Variants in C16orf96 observed in about 807,000 individuals in gnomAD.
C16orf96 encodes uncharacterized protein C16orf96.
C16orf96 carries 108 observed loss-of-function variants against 103.6 expected under a neutral mutation model. The ratio of observed to expected loss-of-function variants is 1.04; its 90% CI spans 0.89 to 1.22. C16orf96 has a LOEUF of 1.22. Ranked by LOEUF, C16orf96 falls within the 50% of genes most tolerant of loss-of-function variation. The probability of loss-of-function intolerance (pLI) is 0.00; values close to 1 mark genes in which losing one functional copy is unlikely to be tolerated. For missense variants in C16orf96, 1,586 were observed against 1,464.2 expected, an observed-to-expected ratio of 1.08 and a Z score of -1.36; for synonymous variants, 566 against 593.5, an observed-to-expected ratio of 0.95 and a Z score of 0.67.
chr16:4,562,455 CTG>C (rs1412538019), intron 1 of C16orf96, among the ~76,000 whole-genome samples: 9 of 58,774 alleles, frequency 1.5e-4, no homozygotes, highest in South Asian at 9.3e-4. Flanking sequence ...TGGAGCAAGA[CTG>C]TGTCAAAAAA....
intron 7 of C16orf96, 128 bp from the exon 8 acceptor site, chr16:4,586,911 C>A (rs888734683): frequency 1.3e-6 from 1 of 776,282 alleles, no homozygotes; most frequent in Non-Finnish European, 2.1e-6. Flanking sequence ...AACGCCCATG[C>A]CCACCTGCCT....
At position 4,556,733 on chromosome 16, in the gene C16orf96, G is replaced by A. The variant is rs1390938759; in HGVS notation, c.244G>A (p.Asp82Asn). 18 of 1,551,492 alleles carry A rather than the reference G, an allele frequency of 1.2e-5. No individual in the cohort carries two copies. The highest frequency in any genetic ancestry group is 1.7e-4 in the Middle Eastern group (1 of 6,014). ...NPMKRLSNVF[D>N]HVVSRLDKLE... ...CATGAAGAGGCTCAGCAATGTCTTC[G>A]ACCACGTGGTGAGCCGCCTCGACAA... Residue 82 changes from aspartate (D) to asparagine (N), a missense_variant, in exon 1 of 16, where the codon GAC becomes AAC. Transcript: ENST00000444310.
chr16:4,551,898 T>A (rs1410915334), upstream of C16orf96, among the ~76,000 whole-genome samples: 2 of 152,072 alleles, frequency 1.3e-5, no homozygotes, highest in East Asian at 3.9e-4. Flanking sequence ...GTCCTGATGC[T>A]CTCCCTCCCC....
chr16:4,562,821 C>T, intron 1 of C16orf96: 2 of 1,315,400 alleles, frequency 1.5e-6, no homozygotes, highest in East Asian at 2.3e-5. Flanking sequence ...TTACAGGTTT[C>T]TTACTGTATC....
intron 1 of C16orf96, among the ~76,000 whole-genome samples, chr16:4,568,629 A>ATTTTTT (rs34974380): frequency 8.0e-6 from 1 of 125,568 alleles, no homozygotes; most frequent in African/African-American, 3.0e-5. Context: ...TTTCTTTTTA[A>ATTTTTT]TTTTTTTTTT....
At chr16:4,549,785 A>G in the C16orf96 span, among the ~76,000 whole-genome samples, 285 of 152,218 alleles carry the variant, frequency 1.9e-3, no homozygotes, top group African/African-American at 6.6e-3. Context: ...TCTCAAAAAA[A>G]TAAAACAAAA....
the C16orf96 span, among the ~76,000 whole-genome samples, chr16:4,541,947 G>T: frequency 6.6e-6 from 1 of 152,230 alleles, no homozygotes; most frequent in African/African-American, 2.4e-5. Flanking sequence ...TTCAGTGTTT[G>T]CTTAATTCAG....
At chr16:4,554,856 C>G (rs536724379), upstream of C16orf96, among the ~76,000 whole-genome samples, 13 of 149,286 alleles carry the variant, frequency 8.7e-5, no homozygotes, top group East Asian at 2.7e-3. Context: ...GTCTCCATCT[C>G]TTAACCTCAT....
At chr16:4,586,461 G>T (rs1896930966) in intron 7 of C16orf96, among the ~76,000 whole-genome samples, 1 of 152,214 alleles carries the variant, frequency 6.6e-6, no homozygotes, top group African/African-American at 2.4e-5. Flanking sequence ...TTGCAGCTTT[G>T]CAGGAACTAT....
intron 11 of C16orf96, 113 bp downstream of exon 11, chr16:4,592,480 C>A: frequency 8.3e-7 from 1 of 1,203,270 alleles, no homozygotes; most frequent in Non-Finnish European, 1.2e-6. Context: ...TCTACACATC[C>A]ATATACAGCA....
At chr16:4,572,493 G>C (rs1191018557) in intron 2 of C16orf96, among the ~76,000 whole-genome samples, 1 of 151,460 alleles carries the variant, frequency 6.6e-6, no homozygotes, top group Non-Finnish European at 1.5e-5. Context: ...AGTAGAGATG[G>C]GGTTTCACCA....
intron 11 of C16orf96, among the ~76,000 whole-genome samples, chr16:4,592,628 A>T (rs892821715): frequency 7.2e-5 from 11 of 152,228 alleles, no homozygotes; most frequent in Non-Finnish European, 1.5e-5. Flanking sequence ...TGCCATGTGT[A>T]TCCACATTCA....
intron 6 of C16orf96, 119 bp from the exon 7 acceptor site, chr16:4,579,896 C>T: frequency 1.3e-6 from 1 of 799,950 alleles, no homozygotes; most frequent in Admixed American, 2.5e-5. Context: ...CAGGCATGAG[C>T]CACCACGCCC....
the C16orf96 span, among the ~76,000 whole-genome samples, chr16:4,545,386 AT>A: frequency 6.6e-6 from 1 of 151,858 alleles, no homozygotes; most frequent in African/African-American, 2.4e-5. Flanking sequence ...ATATTTTTTA[AT>A]TTGCTTGTTG....
At chr16:4,570,230 A>C (rs1307582653) in intron 1 of C16orf96, among the ~76,000 whole-genome samples, 2 of 152,174 alleles carry the variant, frequency 1.3e-5, no homozygotes, top group East Asian at 1.9e-4. Flanking sequence ...AATTCGGAAT[A>C]AATTCACTTT....
At chr16:4,578,748 T>C (rs1472264941) in intron 5 of C16orf96, among the ~76,000 whole-genome samples, 192 bp from the exon 6 acceptor site, 3 of 151,884 alleles carry the variant, frequency 2.0e-5, no homozygotes, top group Non-Finnish European at 2.9e-5. Context: ...CAGAGCGAGA[T>C]TCCATCTCAA....
upstream of C16orf96, among the ~76,000 whole-genome samples, chr16:4,551,697 C>G (rs930827529): frequency 1.3e-5 from 2 of 152,118 alleles, no homozygotes; most frequent in Admixed American, 1.3e-4. Context: ...CGTGATCTGC[C>G]CACCTCGGCC....
intron 1 of C16orf96, among the ~76,000 whole-genome samples, chr16:4,566,425 G>T (rs149125329): frequency 1.3e-5 from 2 of 152,132 alleles, no homozygotes; most frequent in African/African-American, 4.8e-5. Flanking sequence ...CCCTGATGAC[G>T]AATGATGTTG....
At chr16:4,547,689 CTTCTTTCTTTCTTTCTTTCTTTCT>C in the C16orf96 span, among the ~76,000 whole-genome samples, 1 of 22,574 alleles carries the variant, frequency 4.4e-5, no homozygotes, top group South Asian at 2.6e-3. Flanking sequence ...TCCTTCCTTC[CTTCTTTCTTTCTTTCTTTCTTTCT>C]TTCTTTCTTT....
Sources: gnomAD v4.1 joint callset for allele counts (sites outside exome capture counted in the v4.1 genomes callset) on GRCh38, gnomAD v4.1.1 for gene constraint, MANE v1.5 for transcripts, NCBI Gene and HGNC (gene_info 2026-07-23, HGNC 2026-07-21) for gene names.